Variants in SPARCL1 observed in about 807,000 individuals in gnomAD.
SPARCL1 encodes SPARC-like protein 1.
Under a neutral mutation model 67.1 loss-of-function variants are expected in SPARCL1, and 52 were observed. The ratio of observed to expected loss-of-function variants is 0.78; its 90% confidence interval spans 0.62 to 0.98. The LOEUF (loss-of-function observed/expected upper bound fraction) is 0.98. SPARCL1 is among the 50% of genes least tolerant of loss of function. The probability of loss-of-function intolerance (pLI) is 0.00; values close to 1 mark genes in which losing one functional copy is unlikely to be tolerated. For synonymous variants in SPARCL1, 226 were observed against 267.8 expected (o/e 0.84, Z 1.52); for missense variants, 717 against 782.4 (o/e 0.92, Z 1.00).
At chr4:87,477,799 C>T (rs144916893) in intron 10 of SPARCL1, among the ~76,000 whole-genome samples, 359 of 152,282 alleles carry the variant, frequency 2.4e-3, no homozygotes, top group Non-Finnish European at 3.7e-3. Flanking sequence ...CTGTGAGATT[C>T]CTGACCCTTG....
chr4:87,524,266 C>T (rs1030773992), intron 1 of SPARCL1, among the ~76,000 whole-genome samples: 3 of 152,062 alleles, frequency 2.0e-5, no homozygotes, highest in South Asian at 2.1e-4. Context: ...AAATGGTTCA[C>T]ATTTATGCAA....
chr4:87,481,979 G>T (rs899415263), intron 8 of SPARCL1, among the ~76,000 whole-genome samples: 1 of 152,148 alleles, frequency 6.6e-6, no homozygotes, highest in Non-Finnish European at 1.5e-5. Flanking sequence ...ATTTTCTCTG[G>T]AAGCTTTTGG....
At position 87,479,546 on chromosome 4, in the gene SPARCL1, C is replaced by T. The variant is rs372976612; in HGVS notation, c.1850G>A (p.Arg617Gln). The part of the protein sequence containing the change: ...VLTHSELAPL[R>Q]ASLVPMEHCI... ...GTGTTCCATGGGCACCAGAGATGCT[C>T]GCAGAGGAGCAAGTTCAGAATGTGT... Residue 617 changes from arginine to glutamine, a missense_variant, in exon 10 of 11, where the codon CGA becomes CAA. Arg to Gln is a conservative substitution (Grantham distance 43). Transcript: ENST00000282470. The T allele has an allele frequency of 1.2e-5, 20 of 1,613,924 alleles. 1 individual carries two copies. Among genetic ancestry groups the T allele is most frequent in the South Asian group, 1.1e-4 (10 of 91,076 alleles).
rs1453963438 is a variant in SPARCL1, at chr4:87,494,098, C to T, written c.702G>A (p.Glu234=). The T allele has an allele frequency of 6.2e-7, 1 of 1,613,710 alleles. No individual in the cohort carries two copies. The highest frequency in any genetic ancestry group is 1.7e-5 in the Admixed American group (1 of 59,984). Residue 234 remains glutamate (E), a synonymous_variant, in exon 4 of 11, where the codon GAG becomes GAA. Transcript: ENST00000282470. ...TATCATCAGATTGGGTATTGTCTTC[C>T]TCCTGCTTGCTGTTAGCATGCTCCC... ...LPREHANSKQ[E]EDNTQSDDIL... is the part of the protein sequence containing the mutation.
chr4:87,498,559 G>GT (rs1287392413), intron 2 of SPARCL1, among the ~76,000 whole-genome samples: 3 of 152,164 alleles, frequency 2.0e-5, no homozygotes, highest in African/African-American at 4.8e-5. Flanking sequence ...GGTTTCATTT[G>GT]TTTTTTAACT....
At chr4:87,497,402 C>T (rs904450062) in intron 2 of SPARCL1, among the ~76,000 whole-genome samples, 1 of 152,206 alleles carries the variant, frequency 6.6e-6, no homozygotes, top group Non-Finnish European at 1.5e-5. Flanking sequence ...TGGTCACTCT[C>T]TCTCCCCCTC....
At chr4:87,477,085 A>G (rs553347073) in intron 10 of SPARCL1, among the ~76,000 whole-genome samples, 1 of 152,358 alleles carries the variant, frequency 6.6e-6, no homozygotes, top group Non-Finnish European at 1.5e-5. Context: ...GCAGCTTTGT[A>G]AATGACTGGA....
chr4:87,526,402 G>T (rs577866348), intron 1 of SPARCL1, among the ~76,000 whole-genome samples: 5 of 152,282 alleles, frequency 3.3e-5, no homozygotes, highest in African/African-American at 1.2e-4. Context: ...TGATATACGA[G>T]ATTCCTTATG....
chr4:87,480,139 T>C (rs1723750768), intron 9 of SPARCL1, among the ~76,000 whole-genome samples: 1 of 152,164 alleles, frequency 6.6e-6, no homozygotes, highest in Non-Finnish European at 1.5e-5. Flanking sequence ...ACATAAACTT[T>C]ATCAACATAA....
At chr4:87,478,639 T>C (rs925037011) in intron 10 of SPARCL1, among the ~76,000 whole-genome samples, 1 of 152,040 alleles carries the variant, frequency 6.6e-6, no homozygotes, top group Non-Finnish European at 1.5e-5. Context: ...GGTTTCACCA[T>C]GTTGGCCAGG....
At chr4:87,475,403 C>T (rs1228614571) in intron 10 of SPARCL1, among the ~76,000 whole-genome samples, 1 of 152,186 alleles carries the variant, frequency 6.6e-6, no homozygotes, top group African/African-American at 2.4e-5. Flanking sequence ...GGAGAAACTT[C>T]ATTCTCCTTA....
In SPARCL1 at chr4:87,491,664, A is replaced by G. The variant is rs1222155479; in HGVS notation, c.1245T>C (p.Asn415=). 1.2e-6 allele frequency: 2 copies of G among 1,613,618 alleles called. No homozygotes were observed. The highest frequency in any genetic ancestry group is 1.3e-5 in the African/African-American group (1 of 74,888). The change falls in exon 5 of 11, where the codon AAT becomes AAC. Residue 415 remains asparagine (N), a synonymous_variant. Transcript: ENST00000282470. The stretch of plus-strand genomic sequence containing the variant: ...TGCCTTCACTTGACGTTTCCTCCTC[A>G]TTTGATGAGTTCTCTGCTTTCTTGG... The part of the protein sequence containing the change: ...QEAKKAENSS[N]EEETSSEGNM...
chr4:87,496,113 T>C (rs1724609497), intron 2 of SPARCL1, among the ~76,000 whole-genome samples: 1 of 152,212 alleles, frequency 6.6e-6, no homozygotes, highest in Non-Finnish European at 1.5e-5. Context: ...CAACTGAACT[T>C]GGAGGTAAGA....
chr4:87,504,835 CT>C (rs991484942), intron 1 of SPARCL1: 1 of 152,124 alleles, frequency 6.6e-6, no homozygotes, highest in Non-Finnish European at 1.5e-5. Context: ...GCAAAATGCA[CT>C]TCTTTGTGTT....
intron 1 of SPARCL1, among the ~76,000 whole-genome samples, chr4:87,507,736 G>A (rs1725157236): frequency 6.6e-6 from 1 of 152,180 alleles, no homozygotes. Flanking sequence ...CCCATAGGTT[G>A]AGGGCTCAGT....
Position 87,473,613 on chromosome 4 carries a change from T to C in SPARCL1, c.*162A>G, listed in dbSNP as rs1353568696. 4 of 385,278 alleles carry C rather than the reference T, an allele frequency of 1.0e-5. No individual in the cohort carries two copies. Among genetic ancestry groups the C allele is most frequent in the Non-Finnish European group, 1.9e-5 (4 of 210,192 alleles). 23.9% of individuals were successfully genotyped at this position (385,278 alleles called of 1,614,324 possible). On this transcript the variant is annotated 3_prime_UTR_variant, in exon 11 of 11. Transcript: ENST00000282470. ...TTTTGTTTCCAAAGTTAATGTTAAA[T>C]ACCTGGTGCATAGGTTGTTGTCAAG...
At chr4:87,513,342 G>A (rs574392729) in intron 1 of SPARCL1, among the ~76,000 whole-genome samples, 5 of 152,290 alleles carry the variant, frequency 3.3e-5, no homozygotes, top group African/African-American at 1.2e-4. Flanking sequence ...AATTAGAAAC[G>A]CTGAGCTTTG....
At chr4:87,512,114 G>A (rs993103091) in intron 1 of SPARCL1, among the ~76,000 whole-genome samples, 11 of 151,804 alleles carry the variant, frequency 7.2e-5, no homozygotes, top group Admixed American at 3.3e-4. Flanking sequence ...ATAGGCATGC[G>A]CCACCAAACC....
intron 8 of SPARCL1, among the ~76,000 whole-genome samples, chr4:87,481,336 G>A (rs764516554): frequency 2.0e-5 from 3 of 152,104 alleles, no homozygotes; most frequent in Non-Finnish European, 4.4e-5. Flanking sequence ...TTCCAGAAGC[G>A]TGCAAACATC....
Sources: gnomAD v4.1 joint callset for allele counts (sites outside exome capture counted in the v4.1 genomes callset) on GRCh38, gnomAD v4.1.1 for gene constraint, MANE v1.5 for transcripts, NCBI Gene and HGNC (gene_info 2026-07-23, HGNC 2026-07-21) for gene names.